Variants in PLSCR4 observed in about 807,000 individuals in gnomAD.
The protein encoded by PLSCR4 is Ca(2+)-dependent phospholipid scramblase 4.
Under a neutral mutation model 36.3 loss-of-function variants are expected in PLSCR4, and 25 were observed. That is an observed-to-expected ratio of 0.69 (90% CI 0.50 to 0.96). The LOEUF is 0.96. Ranked by LOEUF, PLSCR4 falls within the 40% of genes least tolerant of loss-of-function variation. The probability of loss-of-function intolerance (pLI) is 0.00; values close to 1 mark genes in which losing one functional copy is unlikely to be tolerated. For synonymous variants in PLSCR4, 122 were observed against 132.9 expected, an observed-to-expected ratio of 0.92 and a Z score of 0.56; for missense variants, 408 against 414.7, an observed-to-expected ratio of 0.98 and a Z score of 0.14.
intron 2 of PLSCR4, 124 bp from the exon 3 acceptor site, chr3:146,221,049 T>C: frequency 1.8e-6 from 1 of 562,608 alleles, no homozygotes; most frequent in East Asian, 3.0e-5. Flanking sequence ...TACACTCCTA[T>C]ATTTTTTAAA....
intron 6 of PLSCR4, among the ~76,000 whole-genome samples, chr3:146,198,848 A>G (rs1429412123): frequency 1.3e-5 from 2 of 152,166 alleles, no homozygotes; most frequent in African/African-American, 4.8e-5. Flanking sequence ...GATAATAGGT[A>G]TTCACTTCAC....
chr3:146,220,085 A>G (rs2035070516), intron 3 of PLSCR4, among the ~76,000 whole-genome samples: 1 of 152,228 alleles, frequency 6.6e-6, no homozygotes. Context: ...TACAGTGTCT[A>G]CATCATTATG....
Position 146,220,157 on chromosome 3 carries a change from C to T in PLSCR4, c.118+658G>A, listed in dbSNP as rs116421089. Among the ~76,000 whole-genome samples, 264 of 152,164 alleles carry T rather than the reference C, an allele frequency of 1.7e-3. 1 individual carries two copies. Among genetic ancestry groups the T allele is most frequent in the African/African-American group, 6.0e-3 (249 of 41,502 alleles). Reference sequence around the variant, plus strand: ...ATTTCCTTGGCCAAAAGTAAGGGCACTTTTAATTTTTAAAATTTTAAACTT... The same window carrying T: ...ATTTCCTTGGCCAAAAGTAAGGGCATTTTTAATTTTTAAAATTTTAAACTT... On this transcript the variant is annotated intron_variant, in intron 3 of 8. Transcript: ENST00000354952.
At chr3:146,214,765 T>A (rs2034815891) in intron 3 of PLSCR4, among the ~76,000 whole-genome samples, 1 of 152,150 alleles carries the variant, frequency 6.6e-6, no homozygotes. Flanking sequence ...GTCTAGAGTG[T>A]CTGTTGTAGA....
At chr3:146,225,400 G>C (rs926671816) in intron 1 of PLSCR4, among the ~76,000 whole-genome samples, 2 of 151,904 alleles carry the variant, frequency 1.3e-5, no homozygotes, top group African/African-American at 2.4e-5. Flanking sequence ...GCTGCAGGTG[G>C]AGCTGCCTGC....
At chr3:146,225,147 C>T (rs1335636492) in intron 1 of PLSCR4, among the ~76,000 whole-genome samples, 5 of 152,076 alleles carry the variant, frequency 3.3e-5, no homozygotes, top group African/African-American at 7.2e-5. Context: ...CACTCACAAA[C>T]CTTGAGCTAA....
intron 3 of PLSCR4, among the ~76,000 whole-genome samples, chr3:146,219,778 TA>T (rs930805258): frequency 6.6e-6 from 1 of 151,554 alleles, no homozygotes; most frequent in African/African-American, 2.4e-5. Flanking sequence ...GAACAAAAAA[TA>T]AAAAACAAAA....
In PLSCR4 at chr3:146,225,794, C is replaced by A. The variant is rs563647339; in HGVS notation, c.-21-3702G>T. Among the ~76,000 whole-genome samples the A allele has an allele frequency of 2.0e-5, 3 of 152,270 alleles. No homozygotes were observed. In the East Asian group the frequency reaches 5.8e-4, roughly 30 times the overall value. ...GCCCGCAAGCGCCGCACGCGGTTGC[C>A]GCTGGCGCCTCTCCCTCCACACCTC... On this transcript the variant is annotated intron_variant, in intron 1 of 8. Transcript: ENST00000354952.
chr3:146,200,269 A>T (rs988189695), intron 5 of PLSCR4, among the ~76,000 whole-genome samples: 14 of 152,130 alleles, frequency 9.2e-5, no homozygotes, highest in Non-Finnish European at 1.8e-4. Context: ...CATTAAAAAA[A>T]TTTTACATAA....
At chr3:146,233,730 T>C (rs1025411931) in intron 1 of PLSCR4, among the ~76,000 whole-genome samples, 1 of 152,130 alleles carries the variant, frequency 6.6e-6, no homozygotes, top group African/African-American at 2.4e-5. Context: ...TTCAAGGTTA[T>C]AGCTCTATAA....
intron 1 of PLSCR4, among the ~76,000 whole-genome samples, chr3:146,226,635 C>T (rs370741192): frequency 6.6e-6 from 1 of 152,040 alleles, no homozygotes; most frequent in South Asian, 2.1e-4. Context: ...TGAAGTAGCA[C>T]CTCTGGGGTC....
intron 1 of PLSCR4, among the ~76,000 whole-genome samples, chr3:146,224,001 T>C (rs544197954): frequency 1.3e-5 from 2 of 150,210 alleles, no homozygotes; most frequent in African/African-American, 4.9e-5. Flanking sequence ...TACCAAAAAG[T>C]CAGACCCAAT....
At chr3:146,214,112 T>C (rs928885719) in intron 3 of PLSCR4, among the ~76,000 whole-genome samples, 6 of 147,408 alleles carry the variant, frequency 4.1e-5, no homozygotes, top group Non-Finnish European at 8.9e-5. Context: ...TGATTTGATA[T>C]CTTCCTTTTT....
At chr3:146,198,921 T>C (rs2033890080) in intron 6 of PLSCR4, among the ~76,000 whole-genome samples, 1 of 151,946 alleles carries the variant, frequency 6.6e-6, no homozygotes, top group Admixed American at 6.6e-5. Flanking sequence ...AAAGAGAAAA[T>C]ATTCATTGAG....
intron 1 of PLSCR4, among the ~76,000 whole-genome samples, chr3:146,236,507 A>G (rs936970242): frequency 1.3e-5 from 2 of 152,096 alleles, no homozygotes; most frequent in African/African-American, 4.8e-5. Flanking sequence ...GTGGGAGGTA[A>G]CTGAATCGTG....
chr3:146,235,343 C>T (rs921227112), intron 1 of PLSCR4, among the ~76,000 whole-genome samples: 9 of 151,914 alleles, frequency 5.9e-5, no homozygotes, highest in African/African-American at 2.2e-4. Context: ...TGTATGGTAC[C>T]TCTCCCATCT....
chr3:146,218,376 C>T (rs2034984627), intron 3 of PLSCR4, among the ~76,000 whole-genome samples: 1 of 151,544 alleles, frequency 6.6e-6, no homozygotes, highest in Non-Finnish European at 1.5e-5. Flanking sequence ...GATTAATTTA[C>T]CATGTACTTT....
chr3:146,201,145 C>T, intron 4 of PLSCR4, 68 bp from the exon 5 acceptor site: 2 of 937,774 alleles, frequency 2.1e-6, no homozygotes, highest in Non-Finnish European at 3.2e-6. Flanking sequence ...GTAAAATAAA[C>T]TGATGAAATA....
chr3:146,244,244 G>A (rs1007604635), intron 1 of PLSCR4, among the ~76,000 whole-genome samples: 1 of 151,946 alleles, frequency 6.6e-6, no homozygotes, highest in African/African-American at 2.4e-5. Context: ...CAAAAATATT[G>A]TATAAAATTA....
Sources: allele counts gnomAD v4.1 joint callset (sites outside exome capture counted in the v4.1 genomes callset), GRCh38; gene constraint gnomAD v4.1.1; transcripts MANE v1.5; gene names NCBI Gene and HGNC (gene_info 2026-07-23, HGNC 2026-07-21).